Variants in PBX3 observed in about 807,000 individuals in gnomAD.
The protein encoded by PBX3 is pre-B-cell leukemia transcription factor 3.
In PBX3, 14 loss-of-function variants were observed where a neutral mutation model predicts 48.5. The ratio of observed to expected loss-of-function variants is 0.29; its 90% CI spans 0.19 to 0.45. The LOEUF (loss-of-function observed/expected upper bound fraction) is 0.45. PBX3 is among the 20% of genes least tolerant of loss of function. The pLI is 1.00. For synonymous variants in PBX3, 210 were observed against 200.3 expected (o/e 1.05, Z -0.41); for missense variants, 386 against 546.7 (o/e 0.71, Z 2.93).
chr9:125,862,712 T>C, intron 2 of PBX3, among the ~76,000 whole-genome samples: 1 of 152,144 alleles, frequency 6.6e-6, no homozygotes, highest in Admixed American at 6.5e-5. Flanking sequence ...TAAGAAATGC[T>C]GTATCACCAA....
chr9:125,891,345 A>T (rs1840637345), intron 2 of PBX3, among the ~76,000 whole-genome samples: 1 of 152,238 alleles, frequency 6.6e-6, no homozygotes, highest in African/African-American at 2.4e-5. Flanking sequence ...CAACTATCTA[A>T]AATGAATGCC....
At chr9:125,781,008 C>A (rs868518002) in intron 2 of PBX3, among the ~76,000 whole-genome samples, 2 of 83,504 alleles carry the variant, frequency 2.4e-5, no homozygotes, top group Admixed American at 1.3e-4. Flanking sequence ...GGATGGCGGC[C>A]GGGCAGAGAC....
intron 4 of PBX3, among the ~76,000 whole-genome samples, chr9:125,934,627 C>T (rs1841794483): frequency 6.6e-6 from 1 of 152,128 alleles, no homozygotes; most frequent in Non-Finnish European, 1.5e-5. Flanking sequence ...CTCCTCTTTG[C>T]TTAGTGAAGG....
At chr9:125,962,397 T>C (rs1426843268) in intron 7 of PBX3, among the ~76,000 whole-genome samples, 183 bp downstream of exon 7, 1 of 152,228 alleles carries the variant, frequency 6.6e-6, no homozygotes, top group Non-Finnish European at 1.5e-5. Flanking sequence ...TGACTTGTGA[T>C]GATTCAAACC....
intron 2 of PBX3, among the ~76,000 whole-genome samples, chr9:125,756,637 T>C (rs562455191): frequency 6.6e-6 from 1 of 152,288 alleles, no homozygotes; most frequent in Non-Finnish European, 1.5e-5. Flanking sequence ...TTCAGAGCCA[T>C]GTGGATTATT....
At chr9:125,949,515 G>A in intron 5 of PBX3, 1 of 1,546,600 alleles carries the variant, frequency 6.5e-7, no homozygotes, top group Non-Finnish European at 8.7e-7. Flanking sequence ...AGTCTCTGAT[G>A]GACCTATACT....
intron 2 of PBX3, among the ~76,000 whole-genome samples, chr9:125,866,391 A>G (rs879491458): frequency 6.6e-6 from 1 of 152,230 alleles, no homozygotes; most frequent in Non-Finnish European, 1.5e-5. Context: ...TATTCTAACT[A>G]GAAGTGAAAT....
chr9:125,791,563 C>G (rs1837611142), intron 2 of PBX3, among the ~76,000 whole-genome samples: 1 of 152,290 alleles, frequency 6.6e-6, no homozygotes, highest in Non-Finnish European at 1.5e-5. Flanking sequence ...CCCCTGCCCT[C>G]TCTTCCTCCT....
chr9:125,806,816 T>C (rs559036909), intron 2 of PBX3, among the ~76,000 whole-genome samples: 2 of 152,320 alleles, frequency 1.3e-5, no homozygotes, highest in East Asian at 1.9e-4. Context: ...AGGTTGATAG[T>C]TGGACACAGA....
intron 2 of PBX3, among the ~76,000 whole-genome samples, chr9:125,818,513 A>C (rs926725403): frequency 6.6e-6 from 1 of 150,940 alleles, no homozygotes; most frequent in African/African-American, 2.4e-5. Context: ...TTTTATTTTA[A>C]TTTTTTTTGT....
chr9:125,793,118 C>G lies in PBX3; in HGVS notation c.274+44495C>G, dbSNP rs907285937. ...CTGTAATCCCAGCACTTTGGGAGGC[C>G]GAGGTGGGCGGATCATGAGGTCAGG... On this transcript the variant is annotated intron_variant, in intron 2 of 8. Coordinates refer to ENST00000373489, the MANE Select transcript of PBX3 (RefSeq NM_006195.6). Among the ~76,000 whole-genome samples, 4 of 151,304 alleles carry G rather than the reference C, an allele frequency of 2.6e-5. No individual in the cohort carries two copies. In the South Asian group the frequency reaches 6.3e-4, roughly 24 times the overall value.
intron 2 of PBX3, among the ~76,000 whole-genome samples, chr9:125,770,483 TCTTC>T (rs1836913353): frequency 6.6e-6 from 1 of 152,186 alleles, no homozygotes; most frequent in African/African-American, 2.4e-5. Context: ...GATCTTTTGA[TCTTC>T]CTTCTCATAC....
chr9:125,863,725 G>T (rs1473880656), intron 2 of PBX3, among the ~76,000 whole-genome samples: 2 of 152,066 alleles, frequency 1.3e-5, no homozygotes, highest in African/African-American at 4.8e-5. Context: ...CTTATCACTG[G>T]TTACTAGATG....
chr9:125,927,722 T>G (rs1016785696), intron 3 of PBX3, among the ~76,000 whole-genome samples: 4 of 152,154 alleles, frequency 2.6e-5, no homozygotes, highest in African/African-American at 9.7e-5. Flanking sequence ...TAGGCCCAGT[T>G]ATACAGATTT....
intron 2 of PBX3, among the ~76,000 whole-genome samples, chr9:125,799,443 C>T (rs567728386): frequency 6.6e-6 from 1 of 152,296 alleles, no homozygotes; most frequent in East Asian, 1.9e-4. Context: ...GGGGTCAAGG[C>T]TGTAGTGAGC....
chr9:125,879,744 G>A (rs927260893), intron 2 of PBX3, among the ~76,000 whole-genome samples: 1 of 152,102 alleles, frequency 6.6e-6, no homozygotes, highest in African/African-American at 2.4e-5. Flanking sequence ...GATCCTTTGA[G>A]GAACACCACA....
intron 5 of PBX3, among the ~76,000 whole-genome samples, chr9:125,949,186 G>A (rs1842134752): frequency 6.6e-6 from 1 of 152,200 alleles, no homozygotes; most frequent in Non-Finnish European, 1.5e-5. Flanking sequence ...TTAACAGTGT[G>A]ACCTTGAGCA....
chr9:125,858,134 C>T (rs142088115), intron 2 of PBX3, among the ~76,000 whole-genome samples: 21 of 152,186 alleles, frequency 1.4e-4, no homozygotes, highest in African/African-American at 2.9e-4. Flanking sequence ...GAGGCCAAAG[C>T]GGGAGGATCA....
Position 125,783,112 on chromosome 9 carries a change from G to C in PBX3, c.274+34489G>C, listed in dbSNP as rs575738801. Among the ~76,000 whole-genome samples, 362 of 152,168 alleles carry C rather than the reference G, an allele frequency of 2.4e-3. 2 individuals are homozygous for C. Among genetic ancestry groups the C allele is most frequent in the African/African-American group, 8.3e-3 (345 of 41,502 alleles). On this transcript the variant is annotated intron_variant, in intron 2 of 8. Transcript: ENST00000373489. ...TTATCAAATTTTGGAAGCTTTCAAA[G>C]CCAATATTTTGTCAAATATTATTTC...
Sources: gnomAD v4.1 joint callset for allele counts (sites outside exome capture counted in the v4.1 genomes callset) on GRCh38, gnomAD v4.1.1 for gene constraint, MANE v1.5 for transcripts, NCBI Gene and HGNC (gene_info 2026-07-23, HGNC 2026-07-21) for gene names.